PRR16: variants seen among roughly 807,000 people sequenced by gnomAD.
PRR16 encodes proline rich 16, also known as protein Largen.
A neutral mutation model predicts 18.2 loss-of-function variants in PRR16; 6 were observed. The ratio of observed to expected loss-of-function variants is 0.33; its 90% CI spans 0.18 to 0.65. The LOEUF (loss-of-function observed/expected upper bound fraction) is 0.65, where lower values mean the gene tolerates loss of function less well. Ranked by LOEUF, PRR16 falls within the 30% of genes least tolerant of loss-of-function variation. The pLI is 0.74. For synonymous variants in PRR16, 151 were observed against 147.8 expected (o/e 1.02, Z -0.16); for missense variants, 412 against 376.6 (o/e 1.09, Z -0.78).
At chr5:120,713,349 A>G in the PRR16 span, among the ~76,000 whole-genome samples, 1 of 152,276 alleles carries the variant, frequency 6.6e-6, no homozygotes, top group East Asian at 1.9e-4. Context: ...AAGGCTCTTA[A>G]CTTTCCTTTC....
At chr5:120,620,149 G>C (rs1201030677) in intron 1 of PRR16, among the ~76,000 whole-genome samples, 2 of 152,134 alleles carry the variant, frequency 1.3e-5, no homozygotes, top group East Asian at 3.9e-4. Flanking sequence ...GAAATGGAAA[G>C]AAGACGAAAA....
intron 1 of PRR16, among the ~76,000 whole-genome samples, chr5:120,598,694 C>T (rs1285755181): frequency 1.3e-5 from 2 of 151,612 alleles, no homozygotes; most frequent in African/African-American, 4.8e-5. Flanking sequence ...TTTGGTTTTC[C>T]GTTTGTGTTA....
Position 120,686,121 on chromosome 5 carries a change from C to T in PRR16, c.327C>T (p.His109=). 1 of 1,614,098 alleles carries T rather than the reference C, an allele frequency of 6.2e-7. No homozygotes were observed. The highest frequency in any genetic ancestry group is 8.5e-7 in the Non-Finnish European group (1 of 1,180,008). Residue 109 remains histidine (H), a synonymous_variant, in exon 2 of 2, where the codon CAC becomes CAT. Transcript: ENST00000407149. ...ANAPLIKPPA[H]PSAILTVLRK... is the part of the protein sequence containing the mutation. ...CACCGCTTATTAAACCCCCAGCACA[C>T]CCGTCTGCTATCCTCACGGTCCTGA...
the PRR16 span, among the ~76,000 whole-genome samples, chr5:120,734,856 TAAA>T: frequency 1.3e-5 from 2 of 152,206 alleles, no homozygotes; most frequent in Non-Finnish European, 2.9e-5. Flanking sequence ...TTGTTGGACA[TAAA>T]AAATGAAACA....
intron 1 of PRR16, among the ~76,000 whole-genome samples, chr5:120,556,233 G>GTTTTT (rs34053155): frequency 8.2e-5 from 10 of 121,758 alleles, no homozygotes; most frequent in African/African-American, 1.6e-4. Context: ...CAATTTCATT[G>GTTTTT]TTTTTTTTTT....
chr5:120,611,102 C>T (rs571215502), intron 1 of PRR16, among the ~76,000 whole-genome samples: 1 of 152,084 alleles, frequency 6.6e-6, no homozygotes, highest in Non-Finnish European at 1.5e-5. Context: ...TGCCCCTGCC[C>T]TAGAGATTTG....
At chr5:120,602,476 G>C (rs1450070665) in intron 1 of PRR16, among the ~76,000 whole-genome samples, 2 of 152,032 alleles carry the variant, frequency 1.3e-5, no homozygotes, top group Non-Finnish European at 2.9e-5. Context: ...AGAGTCTTTA[G>C]GATTTTCTAG....
At chr5:120,771,219 T>C in the PRR16 span, among the ~76,000 whole-genome samples, 20 of 152,068 alleles carry the variant, frequency 1.3e-4, no homozygotes, top group Admixed American at 2.6e-4. Flanking sequence ...ATTTTAAAGA[T>C]TATAGGCAAA....
the PRR16 span, among the ~76,000 whole-genome samples, chr5:120,780,115 A>G: frequency 3.2e-4 from 49 of 152,176 alleles, no homozygotes; most frequent in Non-Finnish European, 6.5e-4. Flanking sequence ...CTGAGTCTCA[A>G]AAACTATCTT....
At chr5:120,584,098 G>A (rs750214217) in intron 1 of PRR16, among the ~76,000 whole-genome samples, 95 of 152,116 alleles carry the variant, frequency 6.2e-4, no homozygotes, top group South Asian at 1.9e-3. Flanking sequence ...TCTTCTAGGC[G>A]AAGGGAAGCC....
chr5:120,660,186 A>G (rs185662061), intron 1 of PRR16, among the ~76,000 whole-genome samples: 2 of 152,214 alleles, frequency 1.3e-5, no homozygotes, highest in East Asian at 3.9e-4. Context: ...GAAATTTTCC[A>G]TCTTCTAGTC....
the PRR16 span, among the ~76,000 whole-genome samples, chr5:120,720,227 G>A: frequency 6.6e-6 from 1 of 151,964 alleles, no homozygotes; most frequent in Non-Finnish European, 1.5e-5. Context: ...GATTCAGCAT[G>A]TTCTCTACCT....
chr5:120,727,519 A>T, the PRR16 span, among the ~76,000 whole-genome samples: 1 of 152,112 alleles, frequency 6.6e-6, no homozygotes, highest in East Asian at 1.9e-4. Context: ...CACCGACATC[A>T]CCCAGCAGAT....
intron 1 of PRR16, among the ~76,000 whole-genome samples, chr5:120,650,796 A>G (rs1445689165): frequency 6.6e-6 from 1 of 152,112 alleles, no homozygotes; most frequent in African/African-American, 2.4e-5. Context: ...ATACGTGTGC[A>G]TGTGTCTTTA....
At chr5:120,594,647 C>T (rs975113170) in intron 1 of PRR16, among the ~76,000 whole-genome samples, 2 of 152,028 alleles carry the variant, frequency 1.3e-5, no homozygotes, top group African/African-American at 4.8e-5. Flanking sequence ...CCCTAATACC[C>T]AAGGCAATCC....
chr5:120,522,769 C>CTATTT (rs1208327474), intron 1 of PRR16, among the ~76,000 whole-genome samples: 1 of 143,702 alleles, frequency 7.0e-6, no homozygotes, highest in Non-Finnish European at 1.5e-5. Flanking sequence ...CCATGCGTGG[C>CTATTT]TATTTTATTT....
intron 1 of PRR16, among the ~76,000 whole-genome samples, chr5:120,494,530 G>A (rs1399961695): frequency 6.6e-6 from 1 of 151,930 alleles, no homozygotes; most frequent in Non-Finnish European, 1.5e-5. Context: ...TCAGATATAG[G>A]GTTTGATAAT....
At chr5:120,758,273 TAAG>T in the PRR16 span, among the ~76,000 whole-genome samples, 7 of 150,342 alleles carry the variant, frequency 4.7e-5, no homozygotes, top group Non-Finnish European at 1.0e-4. Context: ...ATTTTCATAA[TAAG>T]TGAAAGTAAT....
chr5:120,702,270 TCGGGGCATGGAAATAAGG>T, the PRR16 span, among the ~76,000 whole-genome samples: 2 of 47,670 alleles, frequency 4.2e-5, no homozygotes, highest in African/African-American at 1.1e-4. Flanking sequence ...AAATAAGGGG[TCGGGGCATGGAAATAAGG>T]GATTGGGGCG....
Sources: allele counts gnomAD v4.1 joint callset (sites outside exome capture counted in the v4.1 genomes callset), GRCh38; gene constraint gnomAD v4.1.1; transcripts MANE v1.5; gene names NCBI Gene and HGNC (gene_info 2026-07-23, HGNC 2026-07-21).